The following ZIM2 variants were observed in gnomAD, a reference collection of about 807,000 sequenced individuals.
ZIM2 encodes zinc finger imprinted 2.
ZIM2 carries 14 observed loss-of-function variants against 38.6 expected under a neutral mutation model. The observed-to-expected ratio is 0.36, with a 90% confidence interval of 0.24 to 0.57. The LOEUF is 0.57. Among genes scored for constraint, ZIM2 ranks in the 20% least tolerant of loss-of-function variants. ZIM2 has a pLI of 0.81. For synonymous variants in ZIM2, 247 were observed against 245.8 expected, an observed-to-expected ratio of 1.00 and a Z score of -0.04; for missense variants, 680 against 695.1, an observed-to-expected ratio of 0.98 and a Z score of 0.24.
At chr19:56,792,517 C>T (rs2046987306) in intron 9 of ZIM2, among the ~76,000 whole-genome samples, 2 of 100,336 alleles carry the variant, frequency 2.0e-5, no homozygotes, top group Non-Finnish European at 1.8e-5. Context: ...GGCGACAGAG[C>T]AAGACTCTGT....
At chr19:56,839,642 T>C (rs907296131) in intron 1 of ZIM2, among the ~76,000 whole-genome samples, 1 of 150,650 alleles carries the variant, frequency 6.6e-6, no homozygotes, top group Non-Finnish European at 1.5e-5. Flanking sequence ...CAGCGCCTAC[T>C]CGGCAAACCT....
Position 56,814,535 on chromosome 19 carries a change from C to T in ZIM2, c.490+3211G>A, listed in dbSNP as rs1183513410. ...TACTCATAGGGCTCATTCTTATGAA[C>T]AGTTACGTGATCTGCAAGTTCTGCT... On this transcript the variant is annotated intron_variant, in intron 9 of 12. Coordinates refer to ENST00000629319, the MANE Select transcript of ZIM2 (RefSeq NM_001387356.1). The surrounding 1 kb of genome is among the most constrained non-coding windows in gnomAD (Gnocchi z 5.8). 6.2e-7 allele frequency: 1 copy of T among 1,613,806 alleles called. No individual in the cohort carries two copies. Among genetic ancestry groups the T allele is most frequent in the Non-Finnish European group, 8.5e-7 (1 of 1,179,806 alleles).
At chr19:56,810,267 C>G (rs2048032247) in intron 9 of ZIM2, 1 of 982,632 alleles carries the variant, frequency 1.0e-6, no homozygotes. Flanking sequence ...TTCAAAGTTT[C>G]TATAATGAAC....
chr19:56,811,995 T>C, intron 9 of ZIM2: 1 of 985,254 alleles, frequency 1.0e-6, no homozygotes, highest in Non-Finnish European at 1.2e-6. Flanking sequence ...CCCTGCATCT[T>C]TGACATACTT....
At chr19:56,803,131 T>A (rs2047603818) in intron 9 of ZIM2, among the ~76,000 whole-genome samples, 1 of 152,032 alleles carries the variant, frequency 6.6e-6, no homozygotes, top group South Asian at 2.1e-4. Context: ...CAGACCCTCA[T>A]AAAAGAAAGG....
chr19:56,799,279 C>A (rs2047384804), intron 9 of ZIM2: 1 of 152,136 alleles, frequency 6.6e-6, no homozygotes. Flanking sequence ...TAAAAAGGAA[C>A]AAGATAATGT....
chr19:56,784,395 T>C (rs1212778892), intron 10 of ZIM2, among the ~76,000 whole-genome samples: 1 of 152,216 alleles, frequency 6.6e-6, no homozygotes, highest in African/African-American at 2.4e-5. Flanking sequence ...AAAAGAGAAA[T>C]GTTACCTGAT....
intron 10 of ZIM2, among the ~76,000 whole-genome samples, chr19:56,789,036 T>C (rs1477021414): frequency 6.6e-6 from 1 of 151,974 alleles, no homozygotes; most frequent in African/African-American, 2.4e-5. Flanking sequence ...GTTATTCTAG[T>C]TAGCAATTCC....
chr19:56,833,878 C>T (rs1410203269), intron 2 of ZIM2: 1 of 152,732 alleles, frequency 6.5e-6, no homozygotes, highest in Non-Finnish European at 1.5e-5. Context: ...ACCCTCTGGT[C>T]TGTTGGCTGG....
At chr19:56,789,596 T>C (rs2046816089) in intron 10 of ZIM2, among the ~76,000 whole-genome samples, 1 of 151,742 alleles carries the variant, frequency 6.6e-6, no homozygotes, top group Non-Finnish European at 1.5e-5. Flanking sequence ...AGGAAAAATA[T>C]TAAATATATA....
chr19:56,817,066 C>T lies in ZIM2; in HGVS notation c.490+680G>A, dbSNP rs758483218. The T allele has an allele frequency of 5.0e-6, 8 of 1,614,048 alleles. No individual in the cohort carries two copies. In the South Asian group the frequency reaches 7.7e-5, roughly 16 times the overall value. The stretch of plus-strand genomic sequence containing the variant: ...AAATTCTGAGATGACACTGAACGAC[C>T]TCCCACACTCATCACATACATATGG... On this transcript the variant is annotated intron_variant, in intron 9 of 12. Coordinates refer to ENST00000629319, the MANE Select transcript of ZIM2 (RefSeq NM_001387356.1).
At chr19:56,813,573 G>A in intron 9 of ZIM2, 1 of 1,471,864 alleles carries the variant, frequency 6.8e-7, no homozygotes, top group East Asian at 2.4e-5. Context: ...ACACACTAAG[G>A]TTAAGTCTCC....
At chr19:56,812,097 C>T in intron 9 of ZIM2, 1 of 978,176 alleles carries the variant, frequency 1.0e-6, no homozygotes, top group East Asian at 1.1e-4. Context: ...ATGATCTACA[C>T]TTACATTTTG....
At chr19:56,807,617 C>T (rs1258346692) in intron 9 of ZIM2, among the ~76,000 whole-genome samples, 1 of 152,032 alleles carries the variant, frequency 6.6e-6, no homozygotes, top group Admixed American at 6.6e-5. Context: ...ATATTGAGAT[C>T]CTGTCTCTAC....
At chr19:56,822,502 T>C (rs900455788) in intron 6 of ZIM2, 5 of 422,408 alleles carry the variant, frequency 1.2e-5, no homozygotes, top group Non-Finnish European at 2.1e-5. Flanking sequence ...TCCAGTTTTT[T>C]TTTTTTTAAT....
In ZIM2 at chr19:56,775,570, C is replaced by T. The variant is rs759727781; in HGVS notation, c.836-41G>A. The T allele has an allele frequency of 8.4e-6, 13 of 1,544,026 alleles. No individual in the cohort carries two copies. In the Admixed American group the frequency reaches 2.7e-4, roughly 32 times the overall value. On this transcript the variant is annotated intron_variant, in intron 12 of 12. Transcript: ENST00000629319. ...CAGAAGTTACCTACCGCCCAATTAT[C>T]CAATCCTGCCCCCCAATAATGATAT...
At chr19:56,787,289 G>GT (rs1600734704) in intron 10 of ZIM2, among the ~76,000 whole-genome samples, 1 of 151,912 alleles carries the variant, frequency 6.6e-6, no homozygotes, top group Non-Finnish European at 1.5e-5. Flanking sequence ...TTTTGTTTTT[G>GT]TTTTTTGAGA....
In ZIM2 at chr19:56,806,776, A is replaced by T. The variant is rs556269866; in HGVS notation, c.490+10970T>A. Among the ~76,000 whole-genome samples the T allele has an allele frequency of 1.2e-4, 18 of 152,202 alleles. No homozygotes were observed. The South Asian group carries it at 3.7e-3, about 32-fold the overall frequency. Reference sequence around the variant, plus strand: ...TGAGGGCTAAGCCCTCATGAATGGGATTAGTGCCCTTATAAAAGATGTGCA... The same window carrying T: ...TGAGGGCTAAGCCCTCATGAATGGGTTTAGTGCCCTTATAAAAGATGTGCA... On this transcript the variant is annotated intron_variant, in intron 9 of 12. Coordinates refer to ENST00000629319, the MANE Select transcript of ZIM2 (RefSeq NM_001387356.1).
In ZIM2 at chr19:56,817,132, G is replaced by A. The variant is rs777113236; in HGVS notation, c.490+614C>T. The A allele has an allele frequency of 3.1e-6, 5 of 1,614,106 alleles. No individual in the cohort carries two copies. In the South Asian group the frequency reaches 3.3e-5, roughly 11 times the overall value. ...AATTGGCTGTGACTCGGTAAAGGAG[G>A]GGGAGCTGAGGCTGCTCAGGCTGCT... On this transcript the variant is annotated intron_variant, in intron 9 of 12. Coordinates refer to ENST00000629319, the MANE Select transcript of ZIM2 (RefSeq NM_001387356.1).
Sources: allele counts gnomAD v4.1 joint callset (sites outside exome capture counted in the v4.1 genomes callset), GRCh38; gene constraint gnomAD v4.1.1; non-coding constraint Gnocchi (gnomAD v3.1); transcripts MANE v1.5; gene names NCBI Gene and HGNC (gene_info 2026-07-23, HGNC 2026-07-21).